ITGA2: variants seen among roughly 807,000 people sequenced by gnomAD.
The protein encoded by ITGA2 is integrin subunit alpha 2, also known as integrin alpha-2.
In ITGA2, 101 loss-of-function variants were observed where a neutral mutation model predicts 146.3. The observed-to-expected ratio is 0.69, with a 90% CI of 0.59 to 0.81. The LOEUF is 0.81. ITGA2 is among the 40% of genes least tolerant of loss of function. The pLI is 0.00. For missense variants in ITGA2, 1,281 were observed against 1,402.7 expected (o/e 0.91, Z 1.39); for synonymous variants, 477 against 487.1 (o/e 0.98, Z 0.27).
intron 1 of ITGA2, among the ~76,000 whole-genome samples, chr5:53,025,504 A>G (rs1444868877): frequency 6.6e-6 from 1 of 152,230 alleles, no homozygotes. Flanking sequence ...TGGCACTTAC[A>G]GAGGGACGTT....
Position 53,090,001 on chromosome 5 carries a change from T to C in ITGA2, c.3404T>C (p.Ile1135Thr), listed in dbSNP as rs1190192665. Residue 1135 changes from isoleucine to threonine, a missense_variant, in exon 29 of 30, where the codon ATA becomes ACA. Physicochemically the swap from Ile to Thr is moderately conservative, Grantham distance 89 (BLOSUM62 -1). Transcript: ENST00000296585. ...AAAGCCGAAGTACCAACAGGAGTTATAATAGGAAGTATAATTGCTGGAATC... is the reference window on the plus strand; with the variant it reads ...AAAGCCGAAGTACCAACAGGAGTTACAATAGGAAGTATAATTGCTGGAATC... Reference protein sequence around the residue: ...DEKAEVPTGVIIGSIIAGILL... With the variant: ...DEKAEVPTGVTIGSIIAGILL... The C allele has an allele frequency of 4.3e-6, 7 of 1,613,606 alleles. No homozygotes were observed. The highest frequency in any genetic ancestry group is 5.9e-6 in the Non-Finnish European group (7 of 1,179,582).
Position 52,998,996 on chromosome 5 carries a change from G to C in ITGA2, c.64+9464G>C, listed in dbSNP as rs187669393. Among the ~76,000 whole-genome samples, 48 of 152,268 alleles carry C rather than the reference G, an allele frequency of 3.2e-4. No homozygotes were observed. The East Asian group carries it at 7.9e-3, about 25-fold the overall frequency. ...AATTTGTTTTCACTTCTTTGACAGA[G>C]TTTGTTTGCTTTTAAAATGTTTTTC... On this transcript the variant is annotated intron_variant, in intron 1 of 29. Transcript: ENST00000296585.
intron 1 of ITGA2, among the ~76,000 whole-genome samples, chr5:53,011,861 A>G (rs1264825691): frequency 2.6e-5 from 4 of 152,124 alleles, no homozygotes; most frequent in Admixed American, 2.0e-4. Context: ...CAAGGCTGAG[A>G]ATATGTTCTC....
intron 1 of ITGA2, among the ~76,000 whole-genome samples, chr5:53,012,319 C>A (rs1742175353): frequency 6.6e-6 from 1 of 152,112 alleles, no homozygotes; most frequent in South Asian, 2.1e-4. Context: ...CTGTTCCTGG[C>A]ACCAGATAGC....
Position 53,094,640 on chromosome 5 carries a change from A to G in ITGA2, c.*4041A>G, listed in dbSNP as rs1740611585. The G allele has an allele frequency of 6.7e-6, 1 of 149,020 alleles. No individual in the cohort carries two copies. The highest frequency in any genetic ancestry group is 2.5e-5 in the African/African-American group (1 of 39,694). The allele number at this position is 149,020 out of a possible 1,614,324, so 9.2% of individuals were successfully genotyped here. A position where few individuals can be genotyped will look rare whatever the true frequency, so the allele number is the denominator to read the frequency against. ...AAACAAAAATTAAATTGTAGTCAAC[A>G]GTTAGTAGTTTTTCTCATATCCAAG... On this transcript the variant is annotated 3_prime_UTR_variant, in exon 30 of 30. Transcript: ENST00000296585.
At chr5:53,070,627 G>A (rs973390785) in intron 17 of ITGA2, among the ~76,000 whole-genome samples, 5 of 151,818 alleles carry the variant, frequency 3.3e-5, no homozygotes, top group African/African-American at 1.2e-4. Context: ...TTCAGCTACT[G>A]AAAAATAACT....
chr5:53,023,691 G>T (rs1436694285), intron 1 of ITGA2, among the ~76,000 whole-genome samples: 2 of 152,114 alleles, frequency 1.3e-5, no homozygotes, highest in Non-Finnish European at 2.9e-5. Flanking sequence ...GAAACAAGAT[G>T]AACCAAATAT....
At chr5:53,008,089 G>A (rs751059928) in intron 1 of ITGA2, among the ~76,000 whole-genome samples, 3 of 151,750 alleles carry the variant, frequency 2.0e-5, no homozygotes, top group Non-Finnish European at 4.4e-5. Context: ...GTCAGCTCGG[G>A]TTATCATAAC....
Position 53,048,735 on chromosome 5 carries a change from G to A in ITGA2, c.595G>A (p.Val199Ile), listed in dbSNP as rs1253439811. 5 of 1,613,890 alleles carry A rather than the reference G, an allele frequency of 3.1e-6. No individual in the cohort carries two copies. Among genetic ancestry groups the A allele is most frequent in the Non-Finnish European group, 4.2e-6 (5 of 1,179,884 alleles). ...DAVKNFLEKF[V>I]QGLDIGPTKT... The stretch of plus-strand genomic sequence containing the variant: ...AGTAAAGAATTTTTTGGAAAAATTT[G>A]TACAAGGCCTGGATATAGGCCCCAC... The change falls in exon 6 of 30, where the codon GTA (valine) becomes ATA (isoleucine). Residue 199 changes from valine to isoleucine, a missense_variant. By Grantham distance (29) the Val-to-Ile change is conservative. Transcript: ENST00000296585.
intron 1 of ITGA2, among the ~76,000 whole-genome samples, chr5:52,994,075 T>C (rs1579767960): frequency 6.6e-6 from 1 of 152,208 alleles, no homozygotes; most frequent in South Asian, 2.1e-4. Context: ...GTGATTCCTA[T>C]GCCCCTTCAG....
At chr5:53,000,804 C>A (rs138807497) in intron 1 of ITGA2, among the ~76,000 whole-genome samples, 1 of 151,108 alleles carries the variant, frequency 6.6e-6, no homozygotes, top group East Asian at 1.9e-4. Flanking sequence ...CTTAGCTAGA[C>A]GTTATATTAG....
chr5:53,001,324 A>C (rs1369158458), intron 1 of ITGA2, among the ~76,000 whole-genome samples: 1 of 152,170 alleles, frequency 6.6e-6, no homozygotes, highest in African/African-American at 2.4e-5. Flanking sequence ...CCCTGGAGGT[A>C]CTAGAATTCC....
intron 1 of ITGA2, among the ~76,000 whole-genome samples, chr5:53,023,681 G>T (rs1742796149): frequency 6.6e-6 from 1 of 152,142 alleles, no homozygotes; most frequent in African/African-American, 2.4e-5. Flanking sequence ...TTGGAGGAAG[G>T]AAACAAGATG....
rs1480086935 is a variant in ITGA2, at chr5:53,090,865, CAG to C, written c.*269_*270del. On this transcript the variant is annotated 3_prime_UTR_variant, in exon 30 of 30. Coordinates refer to ENST00000296585, the MANE Select transcript of ITGA2 (RefSeq NM_002203.4). ...AAAGTAATCTTTAAACTGGCTGGCC[CAG>C]AGTTTACATTCTAATTTGCATTGTG... The C allele has an allele frequency of 1.3e-5, 8 of 596,224 alleles. No homozygotes were observed. The highest frequency in any genetic ancestry group is 2.4e-5 in the Non-Finnish European group (8 of 335,620). 36.9% of individuals were successfully genotyped at this position (596,224 alleles called of 1,614,324 possible).
intron 2 of ITGA2, among the ~76,000 whole-genome samples, chr5:53,028,022 A>G (rs1743035642): frequency 1.3e-5 from 2 of 152,124 alleles, no homozygotes; most frequent in African/African-American, 2.4e-5. Context: ...TTGAGGCTGC[A>G]GTGACCTATG....
intron 19 of ITGA2, 65 bp downstream of exon 19, chr5:53,072,760 C>A (rs972732478): frequency 7.8e-7 from 1 of 1,284,864 alleles, no homozygotes; most frequent in Non-Finnish European, 1.1e-6. Flanking sequence ...TTACTTTATT[C>A]AAACGAATGT....
At chr5:53,054,800 G>A (rs760109289) in intron 7 of ITGA2, among the ~76,000 whole-genome samples, 4 of 152,000 alleles carry the variant, frequency 2.6e-5, no homozygotes, top group Non-Finnish European at 4.4e-5. Flanking sequence ...GGTGGGAAGC[G>A]GGTGAGGGAT....
At chr5:53,005,175 C>T (rs547706143) in intron 1 of ITGA2, among the ~76,000 whole-genome samples, 1 of 151,954 alleles carries the variant, frequency 6.6e-6, no homozygotes, top group East Asian at 1.9e-4. Flanking sequence ...GTGTGACTTC[C>T]TGGAGGGTCC....
Position 53,073,248 on chromosome 5 carries a change from T to C in ITGA2, c.2560T>C (p.Phe854Leu). The C allele has an allele frequency of 6.2e-7, 1 of 1,612,424 alleles. No individual in the cohort carries two copies. Among genetic ancestry groups the C allele is most frequent in the Admixed American group, 1.7e-5 (1 of 59,938 alleles). Residue 854 changes from phenylalanine to leucine, a missense_variant, in exon 20 of 30, where the codon TTC becomes CTC. Physicochemically the swap from Phe to Leu is conservative, Grantham distance 22. Around this residue, in one of 3 missense-constraint regions of ITGA2, gnomAD observed 475 missense variants for 530.5 expected, o/e 0.90. Coordinates refer to ENST00000296585, the MANE Select transcript of ITGA2 (RefSeq NM_002203.4). ...DFSENLFFAS[F>L]SLPVDGTEVT... The stretch of plus-strand genomic sequence containing the variant: ...TTCAGAAAACTTGTTTTTTGCATCA[T>C]TCTCCCTGCCGGTATGTGATGAGAC...
Sources: allele counts gnomAD v4.1 joint callset (sites outside exome capture counted in the v4.1 genomes callset), GRCh38; gene constraint gnomAD v4.1.1; regional missense constraint gnomAD v4.1.1; transcripts MANE v1.5; gene names NCBI Gene and HGNC (gene_info 2026-07-23, HGNC 2026-07-21).